Variants in XRCC1 observed in about 807,000 individuals in gnomAD.
The protein encoded by XRCC1 is X-ray repair cross complementing 1.
A neutral mutation model predicts 83.3 loss-of-function variants in XRCC1; 52 were observed. The ratio of observed to expected loss-of-function variants is 0.62; its 90% CI spans 0.50 to 0.79. The LOEUF is 0.79. XRCC1 is among the 30% of genes least tolerant of loss of function. The pLI is 0.00. For missense variants in XRCC1, 793 were observed against 823.5 expected (o/e 0.96, Z 0.45); for synonymous variants, 281 against 312.6 (o/e 0.90, Z 1.07).
At chr19:43,551,736 CA>C in intron 9 of XRCC1, 49 bp from the exon 10 acceptor site, 1 of 1,418,956 alleles carries the variant, frequency 7.0e-7, no homozygotes, top group Non-Finnish European at 1.0e-6. Context: ...ATCTGAGGGG[CA>C]AAGGGGAACG....
Position 43,553,159 on chromosome 19 carries a change from G to A in XRCC1, c.602-68C>T. ...CCAAGACCCTTTCACTCCTATCTAT[G>A]GGACACAGAATATTGTTGCCAAAAC... On this transcript the variant is annotated intron_variant, in intron 6 of 16. Coordinates refer to ENST00000262887, the MANE Select transcript of XRCC1 (RefSeq NM_006297.3). 5 of 1,470,176 alleles carry A rather than the reference G, an allele frequency of 3.4e-6. No individual in the cohort carries two copies. The South Asian group carries it at 6.1e-5, about 18-fold the overall frequency. 91.1% of individuals were successfully genotyped at this position (1,470,176 alleles called of 1,614,324 possible).
At position 43,546,107 on chromosome 19, in the gene XRCC1, C is replaced by T. The variant is rs748044988; in HGVS notation, c.1427-1G>A. 1 of 1,613,870 alleles carries T rather than the reference C, an allele frequency of 6.2e-7. No individual in the cohort carries two copies. The highest frequency in any genetic ancestry group is 1.7e-5 in the Admixed American group (1 of 60,006). On this transcript the variant is annotated splice_acceptor_variant, in intron 12 of 16. Coordinates refer to ENST00000262887, the MANE Select transcript of XRCC1 (RefSeq NM_006297.3). LOFTEE classifies it high-confidence loss of function. ...TCTTCCGCCCCATTGTCCTGTCCTTCTGCAAGTAGAAGCTCAGTCAATGCA... is the reference window on the plus strand; with the variant it reads ...TCTTCCGCCCCATTGTCCTGTCCTTTTGCAAGTAGAAGCTCAGTCAATGCA...
chr19:43,552,410 C>G (rs3213365), intron 8 of XRCC1, 135 bp from the exon 9 acceptor site: 194 of 698,258 alleles, frequency 2.8e-4, no homozygotes, highest in African/African-American at 1.7e-3. Context: ...GCCCCTCCCC[C>G]CTCAGACCCA....
intron 2 of XRCC1, among the ~76,000 whole-genome samples, chr19:43,569,562 C>T (rs1473232217): frequency 2.0e-5 from 3 of 151,720 alleles, no homozygotes; most frequent in Non-Finnish European, 2.9e-5. Flanking sequence ...GCAGGTGGAT[C>T]ACTAGAGGTC....
At chr19:43,549,402 G>A (rs3213380) in intron 10 of XRCC1, among the ~76,000 whole-genome samples, 2,363 of 152,202 alleles carry the variant, frequency 0.016, 52 homozygotes, top group African/African-American at 0.054. Context: ...TGGGGCTACA[G>A]GTGTGCGCCA....
At position 43,543,500 on chromosome 19, in the gene XRCC1, C is replaced by A. The variant is rs751846839; in HGVS notation, c.1794G>T (p.Leu598=). 1.1e-5 allele frequency: 17 copies of A among 1,613,802 alleles called. No individual in the cohort carries two copies. The highest frequency in any genetic ancestry group is 1.3e-5 in the Non-Finnish European group (15 of 1,179,966). ...CGAATGCCAGGGAGGGGTTGTCCATCAGGGCCTGCAGGGTGGGGTGGAGTC... is the reference window on the plus strand; with the variant it reads ...CGAATGCCAGGGAGGGGTTGTCCATAAGGGCCTGCAGGGTGGGGTGGAGTC... ...QEWDPSFEEA[L]MDNPSLAFVR... is the part of the protein sequence containing the mutation. The change falls in exon 17 of 17, where the codon CTG becomes CTT. Residue 598 remains leucine, a synonymous_variant. Transcript: ENST00000262887.
chr19:43,563,513 A>AAAC (rs1261341804), intron 2 of XRCC1, among the ~76,000 whole-genome samples: 1 of 151,880 alleles, frequency 6.6e-6, no homozygotes, highest in African/African-American at 2.4e-5. Flanking sequence ...ACAACAACAA[A>AAAC]AACAACAATA....
chr19:43,572,927 CTTTTTTTTTT>C (rs1015971628), intron 2 of XRCC1, among the ~76,000 whole-genome samples: 1 of 91,150 alleles, frequency 1.1e-5, no homozygotes, highest in African/African-American at 4.5e-5. Context: ...GAGATCTTTT[CTTTTTTTTTT>C]TTTTTTTTTT....
intron 10 of XRCC1, among the ~76,000 whole-genome samples, chr19:43,550,923 C>T (rs879727116): frequency 6.6e-6 from 1 of 152,192 alleles, no homozygotes; most frequent in Non-Finnish European, 1.5e-5. Context: ...ACTGGATCCT[C>T]AGCCTTGCAC....
intron 3 of XRCC1, among the ~76,000 whole-genome samples, chr19:43,559,309 CTG>C (rs1568515873): frequency 6.6e-6 from 1 of 151,300 alleles, no homozygotes; most frequent in Admixed American, 6.6e-5. Flanking sequence ...CAGTGAAACC[CTG>C]TCTCTACTAA....
In XRCC1 at chr19:43,554,762, G is replaced by A. The variant is rs950862209; in HGVS notation, c.298C>T (p.Arg100Cys). The A allele has an allele frequency of 1.2e-5, 20 of 1,613,838 alleles. No homozygotes were observed. The highest frequency in any genetic ancestry group is 1.7e-4 in the Middle Eastern group (1 of 6,056). ...TSSFMSPSESRSGSNPNRVRM... is the reference protein window; with the variant it reads ...TSSFMSPSESCSGSNPNRVRM... ...ACGCGGTTGGGGTTTGAGCCACTGC[G>A]GCTCTCGGAAGGGGACATGAAAGAT... Residue 100 changes from arginine (R) to cysteine (C), a missense_variant, in exon 4 of 17, where the codon CGC becomes TGC. By Grantham distance (180) the Arg-to-Cys change is radical. Coordinates refer to ENST00000262887, the MANE Select transcript of XRCC1 (RefSeq NM_006297.3).
Position 43,551,645 on chromosome 19 carries a change from G to A in XRCC1, c.1125C>T (p.Gly375=), listed in dbSNP as rs2146049092. 1 of 1,614,216 alleles carries A rather than the reference G, an allele frequency of 6.2e-7. No individual in the cohort carries two copies. The highest frequency in any genetic ancestry group is 2.2e-5 in the East Asian group (1 of 44,876). ...ANTPKYSQVL[G]LGGRIVRKEW... ...CCTTACGCACGATGCGGCCTCCCAG[G>A]CCTAGGACCTGGCTGTACTTGGGGG... The change falls in exon 10 of 17, where the codon GGC becomes GGT. Residue 375 remains glycine (G), a synonymous_variant. Coordinates refer to ENST00000262887, the MANE Select transcript of XRCC1 (RefSeq NM_006297.3).
rs1293707080 is a variant in XRCC1 at position 43,553,491 on chromosome 19, C to A, written c.511G>T (p.Gly171Cys). 1.2e-6 allele frequency: 2 copies of A among 1,614,034 alleles called. No homozygotes were observed. The highest frequency in any genetic ancestry group is 2.7e-5 in the African/African-American group (2 of 74,916). Reference sequence around the variant, plus strand: ...TCCTCCTCCTTCACACGGAACTGGCCAAGCTTGGTCACTGTCACCTTCTAA... The same window carrying A: ...TCCTCCTCCTTCACACGGAACTGGCAAAGCTTGGTCACTGTCACCTTCTAA... ...PSQKVTVTKL[G>C]QFRVKEEDES... is the part of the protein sequence containing the mutation. The change falls in exon 6 of 17, where the codon GGC (glycine) becomes TGC (cysteine). Residue 171 changes from glycine (G) to cysteine (C), a missense_variant. Transcript: ENST00000262887.
chr19:43,548,073 A>G (rs933631721), intron 10 of XRCC1, among the ~76,000 whole-genome samples: 34 of 17,798 alleles, frequency 1.9e-3, no homozygotes, highest in South Asian at 4.3e-3. Context: ...GTCGGGGGGG[A>G]GGTGGGGGGC....
At chr19:43,574,117 C>T (rs1463968586) in intron 2 of XRCC1, among the ~76,000 whole-genome samples, 1 of 151,942 alleles carries the variant, frequency 6.6e-6, no homozygotes, top group Non-Finnish European at 1.5e-5. Context: ...ACTCTGGTGC[C>T]CAGGCTGGAG....
Position 43,575,021 on chromosome 19 carries a change from G to A in XRCC1, c.52-19C>T. 3 of 1,600,018 alleles carry A rather than the reference G, an allele frequency of 1.9e-6. No homozygotes were observed. Among genetic ancestry groups the A allele is most frequent in the South Asian group, 1.1e-5 (1 of 90,760 alleles). On this transcript the variant is annotated intron_variant, in intron 1 of 16. Transcript: ENST00000262887. The stretch of plus-strand genomic sequence containing the variant: ...AGTGAGTCTGGAAACAACAGTGGGA[G>A]AGGAGAATTAGGGCACAGAGATGAC...
intron 10 of XRCC1, among the ~76,000 whole-genome samples, chr19:43,550,828 G>A (rs1972567085): frequency 6.6e-6 from 1 of 152,174 alleles, no homozygotes; most frequent in Non-Finnish European, 1.5e-5. Flanking sequence ...CTCTCTGCGG[G>A]CCACCCTGTG....
chr19:43,555,050 A>T (rs1167512620), intron 3 of XRCC1: 5 of 344,990 alleles, frequency 1.4e-5, no homozygotes, highest in African/African-American at 1.1e-4. Flanking sequence ...TCTCCCATGG[A>T]GTCTTCCATA....
intron 3 of XRCC1, among the ~76,000 whole-genome samples, chr19:43,560,592 G>C (rs776607784): frequency 6.6e-6 from 1 of 152,174 alleles, no homozygotes; most frequent in Non-Finnish European, 1.5e-5. Context: ...AGAGCCTCCA[G>C]AAGGAACAGG....
Sources: allele counts gnomAD v4.1 joint callset (sites outside exome capture counted in the v4.1 genomes callset), GRCh38; gene constraint gnomAD v4.1.1; transcripts MANE v1.5; gene names NCBI Gene and HGNC (gene_info 2026-07-23, HGNC 2026-07-21).